Variants in IGF2BP1 observed in about 807,000 individuals in gnomAD.
IGF2BP1 encodes the protein insulin-like growth factor 2 mRNA-binding protein 1.
Under a neutral mutation model 74.9 loss-of-function variants are expected in IGF2BP1, and 11 were observed. The observed-to-expected ratio is 0.15, with a 90% CI of 0.09 to 0.24. IGF2BP1 has a LOEUF of 0.24. Ranked by LOEUF, IGF2BP1 falls within the 10% of genes least tolerant of loss-of-function variation. The pLI is 1.00. For synonymous variants in IGF2BP1, 287 were observed against 281.8 expected, an observed-to-expected ratio of 1.02 and a Z score of -0.18; for missense variants, 440 against 757.4, an observed-to-expected ratio of 0.58 and a Z score of 4.92.
At position 49,050,662 on chromosome 17, in the gene IGF2BP1, C is replaced by CT. The variant is rs1272871647; in HGVS notation, c.*1219dup. The CT allele has an allele frequency of 6.6e-6, 1 of 152,198 alleles. No homozygotes were observed. The highest frequency in any genetic ancestry group is 1.9e-4 in the East Asian group (1 of 5,200). 9.4% of individuals were successfully genotyped at this position (152,198 alleles called of 1,614,324 possible). A position where few individuals can be genotyped will look rare whatever the true frequency, so the allele number is the denominator to read the frequency against. ...GTTTGTATCTGAGAGGAATTTTTAA[C>CT]TGACGGCTTCTGTCTCCATGAATCA... On this transcript the variant is annotated 3_prime_UTR_variant, in exon 15 of 15. Coordinates refer to ENST00000290341, the MANE Select transcript of IGF2BP1 (RefSeq NM_006546.4).
intron 2 of IGF2BP1, among the ~76,000 whole-genome samples, chr17:49,023,354 C>A (rs146494370): frequency 1.3e-5 from 2 of 152,192 alleles, no homozygotes; most frequent in Non-Finnish European, 2.9e-5. Flanking sequence ...TTATTTCATC[C>A]CTGGGAGAGA....
At chr17:49,013,641 G>C (rs918920071) in intron 2 of IGF2BP1, 1 of 152,344 alleles carries the variant, frequency 6.6e-6, no homozygotes, top group Non-Finnish European at 1.5e-5. Flanking sequence ...TGACCACAGG[G>C]AGGTCGGGTC....
At chr17:49,007,276 G>A (rs770014117) in intron 2 of IGF2BP1, among the ~76,000 whole-genome samples, 5 of 152,184 alleles carry the variant, frequency 3.3e-5, no homozygotes, top group Admixed American at 2.0e-4. Context: ...TGCACACATT[G>A]TTCCCTACTT....
chr17:49,017,638 T>C (rs546673451), intron 2 of IGF2BP1, among the ~76,000 whole-genome samples: 1 of 152,332 alleles, frequency 6.6e-6, no homozygotes, highest in Non-Finnish European at 1.5e-5. Context: ...AGTCAGAGTC[T>C]CACTCTGTTG....
intron 2 of IGF2BP1, among the ~76,000 whole-genome samples, chr17:49,002,433 AG>A (rs1255784175): frequency 6.6e-6 from 1 of 152,164 alleles, no homozygotes; most frequent in Non-Finnish European, 1.5e-5. Context: ...TTTGCACTTA[AG>A]GAAAAAAGAA....
intron 2 of IGF2BP1, among the ~76,000 whole-genome samples, chr17:49,021,966 T>C (rs180902816): frequency 2.0e-5 from 3 of 152,328 alleles, no homozygotes; most frequent in Non-Finnish European, 4.4e-5. Context: ...AAAATCTTAA[T>C]AACTGTTAAC....
chr17:49,015,322 G>A (rs1001085612), intron 2 of IGF2BP1, among the ~76,000 whole-genome samples: 1 of 152,110 alleles, frequency 6.6e-6, no homozygotes, highest in Admixed American at 6.6e-5. Context: ...CATCTCCACC[G>A]GGGGCGAGTG....
intron 5 of IGF2BP1, among the ~76,000 whole-genome samples, chr17:49,035,772 C>A (rs1461898577): frequency 6.6e-6 from 1 of 152,206 alleles, no homozygotes; most frequent in Admixed American, 6.5e-5. Flanking sequence ...CCTCCCTGAC[C>A]CGGGCCCGCC....
chr17:49,026,985 C>T (rs2041866260), intron 4 of IGF2BP1, among the ~76,000 whole-genome samples: 1 of 152,216 alleles, frequency 6.6e-6, no homozygotes, highest in South Asian at 2.1e-4. Context: ...TTGTGACCCA[C>T]CCGCCTCAGC....
intron 4 of IGF2BP1, among the ~76,000 whole-genome samples, chr17:49,029,366 G>A (rs934329894): frequency 1.3e-4 from 20 of 152,278 alleles, no homozygotes; most frequent in African/African-American, 4.6e-4. Context: ...TGTAATCCGA[G>A]GACTTTGGGA....
chr17:49,040,540 C>G (rs2042039138), intron 7 of IGF2BP1, among the ~76,000 whole-genome samples: 1 of 152,202 alleles, frequency 6.6e-6, no homozygotes, highest in Admixed American at 6.5e-5. Context: ...GTCGTATGAC[C>G]TCCTAGAAAT....
At chr17:49,041,797 A>G (rs946842503) in intron 8 of IGF2BP1, among the ~76,000 whole-genome samples, 1 of 152,178 alleles carries the variant, frequency 6.6e-6, no homozygotes, top group Non-Finnish European at 1.5e-5. Flanking sequence ...GCTAGGAGCC[A>G]GGGATTCAGG....
upstream of IGF2BP1, among the ~76,000 whole-genome samples, chr17:48,997,014 G>T (rs573257829): frequency 6.6e-6 from 1 of 152,164 alleles, no homozygotes; most frequent in Non-Finnish European, 1.5e-5. This position sits in a 1 kb window ranked among gnomAD's most constrained non-coding sequence, Gnocchi z 4.8. Flanking sequence ...GCAGTTAACC[G>T]GGGAGGGGTG....
chr17:48,998,068 A>C (rs1457965073), intron 1 of IGF2BP1, 148 bp downstream of exon 1: 1 of 739,026 alleles, frequency 1.4e-6, no homozygotes, highest in Non-Finnish European at 2.1e-6. Context: ...ACCCCCTTCG[A>C]TGCCCCCTCC....
At chr17:49,013,249 G>A (rs2041643995) in intron 2 of IGF2BP1, among the ~76,000 whole-genome samples, 1 of 152,194 alleles carries the variant, frequency 6.6e-6, no homozygotes. Context: ...TACTCTGCAT[G>A]GGGGCGAGTA....
intron 14 of IGF2BP1, 33 bp from the exon 15 acceptor site, chr17:49,049,319 T>C (rs1422646302): frequency 6.2e-7 from 1 of 1,602,500 alleles, no homozygotes; most frequent in African/African-American, 1.3e-5. Context: ...CTTGGAGGTC[T>C]CACACCCACT....
chr17:49,025,772 G>GCCTCC, intron 3 of IGF2BP1, 106 bp downstream of exon 3: 3 of 910,746 alleles, frequency 3.3e-6, no homozygotes, highest in Non-Finnish European at 3.5e-6. Context: ...CTGGGGCCAG[G>GCCTCC]CTAGGGAGGC....
intron 4 of IGF2BP1, among the ~76,000 whole-genome samples, chr17:49,030,873 C>T (rs1459073154): frequency 2.0e-5 from 3 of 152,120 alleles, no homozygotes. Flanking sequence ...AGGTGATCTA[C>T]CCGCCTTGGC....
intron 1 of IGF2BP1, among the ~76,000 whole-genome samples, chr17:48,998,754 G>A (rs370891603): frequency 7.2e-5 from 11 of 152,196 alleles, no homozygotes; most frequent in African/African-American, 2.7e-4. Flanking sequence ...ACTTTCTGAG[G>A]AACGGGGAGC....
Sources: allele counts gnomAD v4.1 joint callset (sites outside exome capture counted in the v4.1 genomes callset), GRCh38; gene constraint gnomAD v4.1.1; non-coding constraint Gnocchi (gnomAD v3.1); transcripts MANE v1.5; gene names NCBI Gene and HGNC (gene_info 2026-07-23, HGNC 2026-07-21).